Variants in RABGAP1L observed in about 807,000 individuals in gnomAD.
RABGAP1L encodes RAB GTPase activating protein 1 like, also known as rab GTPase-activating protein 1-like.
In RABGAP1L, 63 loss-of-function variants were observed where a neutral mutation model predicts 137.7. The ratio of observed to expected loss-of-function variants is 0.46; its 90% CI spans 0.37 to 0.56. The LOEUF (loss-of-function observed/expected upper bound fraction) is 0.56, where lower values mean the gene tolerates loss of function less well. Ranked by LOEUF, RABGAP1L falls within the 20% of genes least tolerant of loss-of-function variation. The probability of loss-of-function intolerance (pLI) is 0.00; values close to 1 mark genes in which losing one functional copy is unlikely to be tolerated. For synonymous variants in RABGAP1L, 431 were observed against 433.7 expected, an observed-to-expected ratio of 0.99 and a Z score of 0.08; for missense variants, 1,095 against 1,244.0, an observed-to-expected ratio of 0.88 and a Z score of 1.80.
chr1:174,303,330 G>A (rs1677900049), intron 10 of RABGAP1L, among the ~76,000 whole-genome samples: 1 of 151,860 alleles, frequency 6.6e-6, no homozygotes, highest in African/African-American at 2.4e-5. Context: ...AGGCATTAGT[G>A]TTTAAAATAT....
At chr1:174,704,185 G>GAT (rs3980220) in intron 17 of RABGAP1L, among the ~76,000 whole-genome samples, 32,299 of 151,962 alleles carry the variant, frequency 0.21, 3,726 homozygotes, top group Admixed American at 0.25. Context: ...TTTTAGTAGA[G>GAT]ATGGGGTTTC....
chr1:174,910,689 A>G (rs1238213477), intron 19 of RABGAP1L, among the ~76,000 whole-genome samples: 1 of 152,188 alleles, frequency 6.6e-6, no homozygotes, highest in Admixed American at 6.5e-5. Context: ...AACTGATAGA[A>G]CTGATAAACA....
chr1:174,326,096 A>C (rs943353331), intron 11 of RABGAP1L, among the ~76,000 whole-genome samples: 1 of 152,210 alleles, frequency 6.6e-6, no homozygotes, highest in Non-Finnish European at 1.5e-5. Context: ...TCACAAACAA[A>C]CCTAGACTAC....
At chr1:174,599,760 A>G (rs557392667) in intron 13 of RABGAP1L, among the ~76,000 whole-genome samples, 19 of 151,926 alleles carry the variant, frequency 1.3e-4, no homozygotes, top group African/African-American at 3.9e-4. Context: ...TTGTTTCTTT[A>G]TCTTTGACCT....
At chr1:174,471,807 C>G (rs1455766219) in intron 13 of RABGAP1L, among the ~76,000 whole-genome samples, 1 of 152,136 alleles carries the variant, frequency 6.6e-6, no homozygotes, top group African/African-American at 2.4e-5. Flanking sequence ...TGTGTGTCCC[C>G]CTCTCCTGGC....
At chr1:174,524,729 C>T (rs1663724714) in intron 13 of RABGAP1L, among the ~76,000 whole-genome samples, 2 of 141,956 alleles carry the variant, frequency 1.4e-5, no homozygotes, top group African/African-American at 5.6e-5. Flanking sequence ...GACCAGTGTT[C>T]TGAAGTAATT....
intron 11 of RABGAP1L, among the ~76,000 whole-genome samples, chr1:174,324,111 C>T (rs1436468694): frequency 6.6e-6 from 1 of 152,090 alleles, no homozygotes; most frequent in Middle Eastern, 3.2e-3. Context: ...GTAGGCGAAT[C>T]ATTGGAAAGT....
At chr1:174,616,637 T>C (rs181641805) in intron 13 of RABGAP1L, among the ~76,000 whole-genome samples, 52 of 152,306 alleles carry the variant, frequency 3.4e-4, no homozygotes, top group African/African-American at 1.2e-3. Flanking sequence ...AGACAAGACT[T>C]CCAAAATAAT....
intron 14 of RABGAP1L, among the ~76,000 whole-genome samples, chr1:174,681,461 A>G (rs1234496796): frequency 1.3e-5 from 2 of 152,270 alleles, no homozygotes; most frequent in Non-Finnish European, 2.9e-5. Flanking sequence ...ACTACGTATT[A>G]TATGAGTACA....
chr1:174,192,116 A>G (rs1667252654), intron 1 of RABGAP1L, among the ~76,000 whole-genome samples: 1 of 152,178 alleles, frequency 6.6e-6, no homozygotes, highest in Admixed American at 6.5e-5. Flanking sequence ...GAAATGTTAT[A>G]ATTGAACTTA....
At chr1:174,755,746 A>G (rs979521751) in intron 18 of RABGAP1L, among the ~76,000 whole-genome samples, 12 of 151,740 alleles carry the variant, frequency 7.9e-5, no homozygotes, top group African/African-American at 2.7e-4. Flanking sequence ...AGTTTGAGAT[A>G]AGATGGGAAA....
intron 1 of RABGAP1L, among the ~76,000 whole-genome samples, chr1:174,201,727 T>A (rs1047404048): frequency 1.1e-4 from 16 of 151,658 alleles, no homozygotes; most frequent in African/African-American, 3.9e-4. Context: ...TGTATACATG[T>A]GCCATGTTGG....
At chr1:174,547,520 G>T (rs1338807852) in intron 13 of RABGAP1L, among the ~76,000 whole-genome samples, 1 of 152,150 alleles carries the variant, frequency 6.6e-6, no homozygotes, top group Non-Finnish European at 1.5e-5. Flanking sequence ...AGGTGGCTGA[G>T]GTGGGAAAAT....
rs551990047 is a variant in RABGAP1L, at chr1:174,878,256, C to T, written c.2340+66296C>T. 3.9e-5 allele frequency among the ~76,000 whole-genome samples: 6 copies of T among 152,058 alleles called. No homozygotes were observed. In the East Asian group the frequency reaches 7.7e-4, roughly 20 times the overall value. On this transcript the variant is annotated intron_variant, in intron 19 of 25. Transcript: ENST00000681986. Reference sequence around the variant, plus strand: ...CCAACTTTTTTTTGAGATGGAGTTTCGCTCCTATTGCCCAGGTTGGAGTGC... The same window carrying T: ...CCAACTTTTTTTTGAGATGGAGTTTTGCTCCTATTGCCCAGGTTGGAGTGC...
At chr1:174,216,198 G>GA (rs997997935) in intron 1 of RABGAP1L, among the ~76,000 whole-genome samples, 20 of 152,076 alleles carry the variant, frequency 1.3e-4, no homozygotes, top group African/African-American at 4.8e-4. Flanking sequence ...TAATAGGTAT[G>GA]AAAAAATAAT....
intron 13 of RABGAP1L, among the ~76,000 whole-genome samples, chr1:174,571,140 C>T (rs764964861): frequency 5.9e-5 from 9 of 152,168 alleles, no homozygotes; most frequent in African/African-American, 1.2e-4. Flanking sequence ...AACTGGAGAT[C>T]ATTATGTTAA....
At chr1:174,901,932 A>G (rs893475984) in intron 19 of RABGAP1L, among the ~76,000 whole-genome samples, 4 of 152,108 alleles carry the variant, frequency 2.6e-5, no homozygotes, top group African/African-American at 9.7e-5. Context: ...CACTCTATCT[A>G]TCGTAGGACT....
chr1:174,384,473 C>T (rs1266792962), intron 12 of RABGAP1L, among the ~76,000 whole-genome samples: 1 of 149,830 alleles, frequency 6.7e-6, no homozygotes, highest in Non-Finnish European at 1.5e-5. Flanking sequence ...GTTTTAACTG[C>T]AGTAGGTGCT....
chr1:174,412,315 G>T (rs1220065562), intron 13 of RABGAP1L, among the ~76,000 whole-genome samples: 1 of 152,038 alleles, frequency 6.6e-6, no homozygotes, highest in Admixed American at 6.6e-5. Context: ...CCATTTGCAT[G>T]GTAGATCTTC....
Sources: allele counts gnomAD v4.1 joint callset (sites outside exome capture counted in the v4.1 genomes callset), GRCh38; gene constraint gnomAD v4.1.1; transcripts MANE v1.5; gene names NCBI Gene and HGNC (gene_info 2026-07-23, HGNC 2026-07-21).